Variants in CSTPP1 observed in about 807,000 individuals in gnomAD.
CSTPP1 encodes the protein centriolar satellite-associated tubulin polyglutamylase complex regulator 1, also known as UPF0705 protein C11orf49.
At chr11:46,973,780 A>G in the CSTPP1 span, among the ~76,000 whole-genome samples, 53 of 150,702 alleles carry the variant, frequency 3.5e-4, no homozygotes, top group East Asian at 5.8e-4. Context: ...TGGAGGGTGT[A>G]TGTGTGTGTG....
At chr11:47,140,416 TTTTG>T in the CSTPP1 span, among the ~76,000 whole-genome samples, 2 of 152,040 alleles carry the variant, frequency 1.3e-5, no homozygotes, top group Non-Finnish European at 2.9e-5. Flanking sequence ...TTAAAAACAT[TTTTG>T]TTTGTTTGTT....
chr11:47,161,292 A>C, the CSTPP1 span: 1 of 1,603,016 alleles, frequency 6.2e-7, no homozygotes, highest in Non-Finnish European at 8.5e-7. Flanking sequence ...GTAACATCCC[A>C]CATCTGCCAG....
chr11:47,064,822 G>A, the CSTPP1 span, among the ~76,000 whole-genome samples: 4 of 152,104 alleles, frequency 2.6e-5, no homozygotes, highest in African/African-American at 4.8e-5. Flanking sequence ...TCAGCTCACC[G>A]CAACCTCCAC....
chr11:47,066,535 C>T, the CSTPP1 span, among the ~76,000 whole-genome samples: 1 of 152,046 alleles, frequency 6.6e-6, no homozygotes, highest in Admixed American at 6.6e-5. Context: ...CCACCTGCAA[C>T]CCTAAGCTAG....
the CSTPP1 span, among the ~76,000 whole-genome samples, chr11:47,150,883 GTTTT>G: frequency 1.7e-5 from 1 of 60,530 alleles, no homozygotes; most frequent in Non-Finnish European, 3.4e-5. Flanking sequence ...GACTGTGAAG[GTTTT>G]TTTTTTTTTT....
At chr11:47,017,685 T>G in the CSTPP1 span, among the ~76,000 whole-genome samples, 1 of 108,828 alleles carries the variant, frequency 9.2e-6, no homozygotes, top group African/African-American at 3.5e-5. Context: ...TTTTTTTTTT[T>G]GAGACAGAGT....
At chr11:47,110,662 TC>T in the CSTPP1 span, among the ~76,000 whole-genome samples, 1 of 152,166 alleles carries the variant, frequency 6.6e-6, no homozygotes, top group Admixed American at 6.5e-5. Context: ...GGCTTTGCTT[TC>T]CTTAGGGCAG....
At chr11:47,046,539 TA>T in the CSTPP1 span, among the ~76,000 whole-genome samples, 14 of 151,706 alleles carry the variant, frequency 9.2e-5, no homozygotes, top group African/African-American at 3.4e-4. Context: ...AAGAGCTAAA[TA>T]AATAGAAAGA....
the CSTPP1 span, among the ~76,000 whole-genome samples, chr11:46,963,243 A>C: frequency 6.6e-6 from 1 of 151,882 alleles, no homozygotes; most frequent in Non-Finnish European, 1.5e-5. Context: ...GTACAATGTT[A>C]ACTGGGGGAG....
chr11:46,973,526 A>T, the CSTPP1 span, among the ~76,000 whole-genome samples: 1 of 152,194 alleles, frequency 6.6e-6, no homozygotes, highest in East Asian at 1.9e-4. Context: ...TTCTGTGCCA[A>T]CATCCTCACC....
the CSTPP1 span, among the ~76,000 whole-genome samples, chr11:46,992,207 T>A: frequency 1.1e-4 from 16 of 152,096 alleles, no homozygotes; most frequent in Non-Finnish European, 2.2e-4. Context: ...TTCTTGTTTT[T>A]TCCTCCCTTT....
At chr11:46,939,080 A>ATT in the CSTPP1 span, among the ~76,000 whole-genome samples, 1 of 135,876 alleles carries the variant, frequency 7.4e-6, no homozygotes, top group Non-Finnish European at 1.6e-5. Context: ...CCTGGCTTAC[A>ATT]TCTTTTTTTT....
At chr11:47,151,369 T>C in the CSTPP1 span, among the ~76,000 whole-genome samples, 1 of 151,480 alleles carries the variant, frequency 6.6e-6, no homozygotes, top group Non-Finnish European at 1.5e-5. Flanking sequence ...GCCACTGCAC[T>C]TCAGCCTGGT....
chr11:47,026,432 T>A, the CSTPP1 span, among the ~76,000 whole-genome samples: 1 of 152,246 alleles, frequency 6.6e-6, no homozygotes, highest in Middle Eastern at 3.4e-3. Flanking sequence ...TTTACGGTAA[T>A]TGTTGTTATT....
chr11:46,972,667 A>G, the CSTPP1 span, among the ~76,000 whole-genome samples: 2 of 152,174 alleles, frequency 1.3e-5, no homozygotes, highest in Admixed American at 1.3e-4. Context: ...GCTGCCTCTC[A>G]TTTGTTCCTT....
the CSTPP1 span, among the ~76,000 whole-genome samples, chr11:47,076,847 G>T: frequency 1.3e-5 from 2 of 149,808 alleles, no homozygotes; most frequent in African/African-American, 4.9e-5. Flanking sequence ...AAAAAAAAAA[G>T]GAACAAGAAA....
At chr11:47,115,189 C>T in the CSTPP1 span, among the ~76,000 whole-genome samples, 6 of 152,118 alleles carry the variant, frequency 3.9e-5, no homozygotes, top group Admixed American at 1.3e-4. Flanking sequence ...CTAACTTGAT[C>T]GTGGTGGATA....
the CSTPP1 span, among the ~76,000 whole-genome samples, chr11:46,974,264 A>T: frequency 6.6e-6 from 1 of 152,182 alleles, no homozygotes; most frequent in Non-Finnish European, 1.5e-5. Flanking sequence ...GCAGTGGCTC[A>T]CGCCTGTAAT....
At chr11:47,084,923 G>A in the CSTPP1 span, among the ~76,000 whole-genome samples, 10 of 152,066 alleles carry the variant, frequency 6.6e-5, no homozygotes, top group African/African-American at 1.9e-4. Context: ...GATGGATTAC[G>A]CCTGTAATCC....
Sources: allele counts gnomAD v4.1 joint callset (sites outside exome capture counted in the v4.1 genomes callset), GRCh38; gene constraint gnomAD v4.1.1; transcripts MANE v1.5; gene names NCBI Gene and HGNC (gene_info 2026-07-23, HGNC 2026-07-21).